The following RANBP2 variants were observed in gnomAD, a reference collection of about 807,000 sequenced individuals.
The protein encoded by RANBP2 is E3 SUMO-protein ligase RanBP2.
In RANBP2, 57 loss-of-function variants were observed where a neutral mutation model predicts 303.6. The observed-to-expected ratio is 0.19, with a 90% CI of 0.15 to 0.23. The LOEUF is 0.23. Ranked by LOEUF, RANBP2 falls within the 10% of genes least tolerant of loss-of-function variation. The pLI is 1.00. For synonymous variants in RANBP2, 1,167 were observed against 1,301.5 expected (o/e 0.90, Z 2.23); for missense variants, 3,138 against 3,780.8 (o/e 0.83, Z 4.46).
chr2:108,752,636 AG>A (rs1367851458), intron 12 of RANBP2, among the ~76,000 whole-genome samples: 4,540 of 120,614 alleles, frequency 0.038, 494 homozygotes, highest in African/African-American at 0.12. Context: ...AAAAAAAAAA[AG>A]AAAAAATTAG....
At chr2:109,543,163 C>T in the RANBP2 span, 1 of 152,524 alleles carries the variant, frequency 6.6e-6, no homozygotes, top group African/African-American at 2.4e-5. Flanking sequence ...GAATTATGTG[C>T]ATTTTTATAT....
At chr2:109,028,922 ATTGTTTATTTATTTATTTGT>A in the RANBP2 span, among the ~76,000 whole-genome samples, 5 of 151,972 alleles carry the variant, frequency 3.3e-5, no homozygotes, top group African/African-American at 1.2e-4. Context: ...TTTAGTTGTG[ATTGTTTATTTATTTATTTGT>A]TTGTTTATTT....
chr2:109,398,997 T>A, the RANBP2 span: 1 of 1,518,658 alleles, frequency 6.6e-7, no homozygotes, highest in Non-Finnish European at 8.9e-7. Flanking sequence ...GGTTCTATCC[T>A]CAGCTCCGTG....
At chr2:109,733,213 AC>A in the RANBP2 span, 1 of 415,186 alleles carries the variant, frequency 2.4e-6, no homozygotes, top group Non-Finnish European at 4.8e-6. Context: ...TCCATCTGCT[AC>A]TATAAGGATT....
the RANBP2 span, among the ~76,000 whole-genome samples, chr2:109,671,093 G>A: frequency 2.0e-3 from 307 of 152,340 alleles, no homozygotes; most frequent in Non-Finnish European, 3.5e-3. Flanking sequence ...ATGCTGTAAC[G>A]CTACCACTTC....
chr2:109,524,601 A>G, the RANBP2 span, among the ~76,000 whole-genome samples: 3 of 151,988 alleles, frequency 2.0e-5, no homozygotes, highest in Non-Finnish European at 4.4e-5. Context: ...TACTAAAAAT[A>G]CAGAAATTAG....
chr2:108,887,566 G>C, the RANBP2 span, among the ~76,000 whole-genome samples: 10,578 of 152,106 alleles, frequency 0.07, 468 homozygotes, highest in South Asian at 0.15. Flanking sequence ...GTGTTTTATA[G>C]TTTTCCTTAT....
At chr2:109,415,479 T>C in the RANBP2 span, among the ~76,000 whole-genome samples, 3 of 152,124 alleles carry the variant, frequency 2.0e-5, no homozygotes, top group Non-Finnish European at 4.4e-5. Flanking sequence ...CAGTCGCGGC[T>C]GCTATTCCTA....
At chr2:109,735,966 C>T in the RANBP2 span, among the ~76,000 whole-genome samples, 4 of 152,146 alleles carry the variant, frequency 2.6e-5, no homozygotes, top group African/African-American at 9.7e-5. Flanking sequence ...CCACAGAGCA[C>T]CAAATGTTAA....
chr2:109,614,619 G>C, the RANBP2 span: 1 of 1,460,876 alleles, frequency 6.8e-7, no homozygotes. Flanking sequence ...CGCCCTAGGC[G>C]GCGAACCGGA....
At chr2:109,518,874 C>G in the RANBP2 span, among the ~76,000 whole-genome samples, 2 of 151,206 alleles carry the variant, frequency 1.3e-5, no homozygotes, top group African/African-American at 2.4e-5. Flanking sequence ...TTTACATGGC[C>G]CCAGCAGGAG....
chr2:109,690,413 A>G, the RANBP2 span, among the ~76,000 whole-genome samples: 2 of 152,246 alleles, frequency 1.3e-5, no homozygotes, highest in African/African-American at 4.8e-5. Flanking sequence ...AAAGAAGGCA[A>G]TCAGATATGC....
chr2:108,788,827 T>G (rs763078488), downstream of RANBP2: 56 of 1,613,754 alleles, frequency 3.5e-5, no homozygotes, highest in Non-Finnish European at 4.2e-5. Flanking sequence ...GTGGTAATCT[T>G]TCATGGTTTC....
the RANBP2 span, among the ~76,000 whole-genome samples, chr2:108,981,886 G>A: frequency 6.6e-6 from 1 of 152,316 alleles, no homozygotes; most frequent in Non-Finnish European, 1.5e-5. Context: ...AGATTAAGAC[G>A]GAAACGCTAA....
chr2:109,558,972 A>G, the RANBP2 span, among the ~76,000 whole-genome samples: 6 of 151,340 alleles, frequency 4.0e-5, 1 homozygote, highest in African/African-American at 1.5e-4. Context: ...TGCAGCCTCC[A>G]CCTCCTGGGT....
the RANBP2 span, among the ~76,000 whole-genome samples, chr2:109,287,846 A>G: frequency 4.2e-4 from 64 of 152,084 alleles, no homozygotes; most frequent in Non-Finnish European, 8.1e-4. Context: ...CAGTTTCCTA[A>G]ACCCCACTCA....
the RANBP2 span, among the ~76,000 whole-genome samples, chr2:109,556,670 AG>A: frequency 1.3e-5 from 2 of 152,178 alleles, no homozygotes; most frequent in East Asian, 3.9e-4. Flanking sequence ...TTTTTTTTAA[AG>A]AAGCCCCTAT....
chr2:109,511,985 G>T, the RANBP2 span, among the ~76,000 whole-genome samples: 1 of 152,280 alleles, frequency 6.6e-6, no homozygotes, highest in Admixed American at 6.5e-5. Context: ...GCTGCCCAGA[G>T]GACTCTGGGA....
chr2:109,255,364 C>A, the RANBP2 span, among the ~76,000 whole-genome samples: 1 of 152,142 alleles, frequency 6.6e-6, no homozygotes, highest in African/African-American at 2.4e-5. Flanking sequence ...TGGAGAAGTG[C>A]TTTATTCGGT....
Sources: gnomAD v4.1 joint callset for allele counts (sites outside exome capture counted in the v4.1 genomes callset) on GRCh38, gnomAD v4.1.1 for gene constraint, MANE v1.5 for transcripts, NCBI Gene and HGNC (gene_info 2026-07-23, HGNC 2026-07-21) for gene names.